Variants in SUDS3 observed in about 807,000 individuals in gnomAD.
SUDS3 encodes the protein SIN3A corepressor complex component SDS3.
A neutral mutation model predicts 53.5 loss-of-function variants in SUDS3; 23 were observed. The ratio of observed to expected loss-of-function variants is 0.43; its 90% CI spans 0.31 to 0.61. The LOEUF is 0.61. SUDS3 is among the 20% of genes least tolerant of loss of function. The pLI is 0.10. For missense variants in SUDS3, 291 were observed against 405.9 expected, an observed-to-expected ratio of 0.72 and a Z score of 2.43; for synonymous variants, 150 against 148.5, an observed-to-expected ratio of 1.01 and a Z score of -0.08.
intron 4 of SUDS3, among the ~76,000 whole-genome samples, chr12:118,387,768 C>G (rs1180388943): frequency 2.6e-5 from 4 of 152,148 alleles, no homozygotes; most frequent in African/African-American, 4.8e-5. Flanking sequence ...CCAGGCTGCT[C>G]TCAAACTCCT....
At chr12:118,385,168 G>A (rs2046103974) in intron 3 of SUDS3, among the ~76,000 whole-genome samples, 1 of 152,010 alleles carries the variant, frequency 6.6e-6, no homozygotes, top group South Asian at 2.1e-4. Context: ...GAGGGCAGTG[G>A]CGCGATCTCA....
intron 11 of SUDS3, among the ~76,000 whole-genome samples, chr12:118,411,646 C>G (rs1263233270): frequency 6.6e-6 from 1 of 151,988 alleles, no homozygotes; most frequent in African/African-American, 2.4e-5. Context: ...TACAGGCACC[C>G]ACCACCACGC....
Position 118,390,138 on chromosome 12 carries a change from C to T in SUDS3, c.360+192C>T, listed in dbSNP as rs2046152382. ...GTCATTTGTTGTTGCGCAGCCTCTG[C>T]TTATCACAGGGGAATAAGGAATACT... On this transcript the variant is annotated intron_variant, in intron 5 of 11. Coordinates refer to ENST00000543473, the MANE Select transcript of SUDS3 (RefSeq NM_022491.3). 2.6e-5 allele frequency among the ~76,000 whole-genome samples: 4 copies of T among 152,316 alleles called. No homozygotes were observed. The South Asian group carries it at 8.3e-4, about 32-fold the overall frequency.
chr12:118,390,567 G>T (rs567971147), intron 5 of SUDS3, among the ~76,000 whole-genome samples: 3 of 152,286 alleles, frequency 2.0e-5, no homozygotes, highest in African/African-American at 7.2e-5. Context: ...GAAGGATCAC[G>T]TGATCAGCCT....
intron 6 of SUDS3, among the ~76,000 whole-genome samples, chr12:118,400,223 A>T (rs190704244): frequency 6.6e-6 from 1 of 152,254 alleles, no homozygotes; most frequent in Non-Finnish European, 1.5e-5. Flanking sequence ...GTGGCCTCTA[A>T]AAGAGCCTTT....
intron 6 of SUDS3, among the ~76,000 whole-genome samples, chr12:118,400,388 C>T (rs776707091): frequency 6.6e-5 from 10 of 152,100 alleles, no homozygotes; most frequent in Non-Finnish European, 1.3e-4. Flanking sequence ...TTTGAGGGTG[C>T]TGGAGAGATG....
intron 9 of SUDS3, among the ~76,000 whole-genome samples, 189 bp from the exon 10 acceptor site, chr12:118,403,223 A>C (rs1438171875): frequency 1.3e-5 from 2 of 152,152 alleles, no homozygotes; most frequent in Admixed American, 1.3e-4. Context: ...CCTACTTCCC[A>C]GGGTTGCTTT....
chr12:118,384,660 G>A (rs1261128255), intron 3 of SUDS3, among the ~76,000 whole-genome samples: 1 of 152,052 alleles, frequency 6.6e-6, no homozygotes, highest in Non-Finnish European at 1.5e-5. Context: ...GTGAAACCCC[G>A]TCTCTACTGA....
At chr12:118,391,018 A>T in intron 5 of SUDS3, 108 bp from the exon 6 acceptor site, 1 of 1,211,618 alleles carries the variant, frequency 8.3e-7, no homozygotes, top group East Asian at 2.3e-5. Context: ...AGTGTGTGTG[A>T]GGGGGAAACT....
chr12:118,382,152 G>A (rs1360699278), intron 2 of SUDS3, among the ~76,000 whole-genome samples: 1 of 151,786 alleles, frequency 6.6e-6, no homozygotes, highest in East Asian at 1.9e-4. Flanking sequence ...TGATTGTCAT[G>A]GCTAAGCCTC....
At chr12:118,389,572 C>CAT (rs892062282) in intron 4 of SUDS3, among the ~76,000 whole-genome samples, 6 of 150,710 alleles carry the variant, frequency 4.0e-5, no homozygotes, top group Non-Finnish European at 8.8e-5. Context: ...AGTACAGTGG[C>CAT]ACAATCTCAG....
chr12:118,392,689 A>G (rs1052224999), intron 6 of SUDS3, among the ~76,000 whole-genome samples: 4 of 152,232 alleles, frequency 2.6e-5, no homozygotes, highest in Admixed American at 1.3e-4. Flanking sequence ...ATTTTCTCTG[A>G]CAGTGGCTGT....
At chr12:118,385,367 T>C (rs56133316) in intron 3 of SUDS3, among the ~76,000 whole-genome samples, 17,494 of 152,154 alleles carry the variant, frequency 0.11, 1,272 homozygotes, top group Middle Eastern at 0.19. Flanking sequence ...CCTCAGCCTC[T>C]CAAAGTGCTG....
chr12:118,386,183 C>A lies in SUDS3; in HGVS notation c.338C>A (p.Ala113Glu). The A allele has an allele frequency of 6.3e-7, 1 of 1,595,656 alleles. No homozygotes were observed. Among genetic ancestry groups the A allele is most frequent in the Non-Finnish European group, 8.5e-7 (1 of 1,170,508 alleles). Residue 113 changes from alanine to glutamate, a missense_variant and splice_region_variant, in exon 4 of 12, where the codon GCA becomes GAA. Physicochemically the swap from Ala to Glu is moderately radical, Grantham distance 107 (BLOSUM62 -1). Coordinates refer to ENST00000543473, the MANE Select transcript of SUDS3 (RefSeq NM_022491.3). ...CAGTACAAAGAGAGGATACGGAATGCAGGTAAGGCTCCTTTAAATGGCAAT... is the reference window on the plus strand; with the variant it reads ...CAGTACAAAGAGAGGATACGGAATGAAGGTAAGGCTCCTTTAAATGGCAAT... ...DQQYKERIRNAELFLQLETEQ... is the reference protein window; with the variant it reads ...DQQYKERIRNEELFLQLETEQ...
chr12:118,398,452 C>G (rs2046235234), intron 6 of SUDS3, among the ~76,000 whole-genome samples: 1 of 151,958 alleles, frequency 6.6e-6, no homozygotes, highest in African/African-American at 2.4e-5. Context: ...TAGGGAGAAG[C>G]CTTCACCACT....
chr12:118,384,593 G>A (rs543618453), intron 3 of SUDS3, among the ~76,000 whole-genome samples: 48 of 152,194 alleles, frequency 3.2e-4, no homozygotes, highest in African/African-American at 1.1e-3. Flanking sequence ...AGCACTTTGC[G>A]AGGCCGAGGC....
chr12:118,405,620 G>GT (rs541514469), intron 10 of SUDS3, among the ~76,000 whole-genome samples: 40 of 152,076 alleles, frequency 2.6e-4, no homozygotes, highest in Non-Finnish European at 5.6e-4. Flanking sequence ...TGAGAATGTT[G>GT]TTTTTTTTCT....
At chr12:118,386,903 G>A (rs993261210) in intron 4 of SUDS3, among the ~76,000 whole-genome samples, 1 of 152,182 alleles carries the variant, frequency 6.6e-6, no homozygotes, top group Non-Finnish European at 1.5e-5. Context: ...AGGAAATCGC[G>A]TGTATGTGTT....
rs1040222598 is a variant in SUDS3 at position 118,414,899 on chromosome 12, A to G, written c.*466A>G. On this transcript the variant is annotated 3_prime_UTR_variant, in exon 12 of 12. Coordinates refer to ENST00000543473, the MANE Select transcript of SUDS3 (RefSeq NM_022491.3). ...CTACTTTCCCTGTCGCGTCCAATTC[A>G]CTATTTGCCCAGAAGCTTGGGGCAG... The G allele has an allele frequency of 6.6e-5, 10 of 152,478 alleles. No homozygotes were observed. The highest frequency in any genetic ancestry group is 2.4e-4 in the African/African-American group (10 of 41,444). The allele number at this position is 152,478 out of a possible 1,614,324, so 9.4% of individuals were successfully genotyped here. A position where few individuals can be genotyped will look rare whatever the true frequency, so the allele number is the denominator to read the frequency against.
Sources: allele counts gnomAD v4.1 joint callset (sites outside exome capture counted in the v4.1 genomes callset), GRCh38; gene constraint gnomAD v4.1.1; transcripts MANE v1.5; gene names NCBI Gene and HGNC (gene_info 2026-07-23, HGNC 2026-07-21).